The following NAV3 variants were observed in gnomAD, a reference collection of about 807,000 sequenced individuals.
The protein encoded by NAV3 is pore membrane and/or filament interacting like protein 1.
Under a neutral mutation model 244.7 loss-of-function variants are expected in NAV3, and 87 were observed. That is an observed-to-expected ratio of 0.36 (90% CI 0.30 to 0.42). The LOEUF (loss-of-function observed/expected upper bound fraction) is 0.42, where lower values mean the gene tolerates loss of function less well. Ranked by LOEUF, NAV3 falls within the 20% of genes least tolerant of loss-of-function variation. The pLI is 1.00. For synonymous variants in NAV3, 1,126 were observed against 1,042.2 expected (o/e 1.08, Z -1.55); for missense variants, 2,663 against 2,893.3 (o/e 0.92, Z 1.83).
intron 12 of NAV3, among the ~76,000 whole-genome samples, chr12:78,100,035 A>AT (rs1490854423): frequency 6.6e-6 from 1 of 151,968 alleles, no homozygotes; most frequent in East Asian, 1.9e-4. Context: ...ATAAAAGCAA[A>AT]TAAAAAGGTC....
chr12:78,127,223 C>T lies in NAV3; in HGVS notation c.4280+15C>T, dbSNP rs1231837675. 1 of 1,610,708 alleles carries T rather than the reference C, an allele frequency of 6.2e-7. No individual in the cohort carries two copies. The highest frequency in any genetic ancestry group is 8.5e-7 in the Non-Finnish European group (1 of 1,177,662). On this transcript the variant is annotated intron_variant, in intron 17 of 39. Transcript: ENST00000397909. ...AAGGGACTAAGGTATATATTCCTCT[C>T]AGCACAATTGCTACCTCTCTGTTGT...
At chr12:78,052,946 C>T (rs1021664606) in intron 11 of NAV3, among the ~76,000 whole-genome samples, 10 of 151,918 alleles carry the variant, frequency 6.6e-5, no homozygotes, top group East Asian at 3.9e-4. Context: ...AGGCTGGGCA[C>T]GGTGGCTCAT....
chr12:77,932,716 C>T (rs1593038302), intron 1 of NAV3, among the ~76,000 whole-genome samples: 1 of 152,264 alleles, frequency 6.6e-6, no homozygotes, highest in East Asian at 1.9e-4. Flanking sequence ...CTGTCATTTT[C>T]ATGTTCCCTA....
chr12:78,002,896 C>T (rs1189780773), intron 7 of NAV3, among the ~76,000 whole-genome samples: 1 of 151,568 alleles, frequency 6.6e-6, no homozygotes, highest in Non-Finnish European at 1.5e-5. Context: ...TAGACTTGGC[C>T]ATATGTGTTG....
chr12:77,869,822 A>C lies in NAV3; in HGVS notation c.243+38118A>C, dbSNP rs144553330. ...TAGACAATATGCTTTATGCAGAGAA[A>C]ACCTGGTTTGACCCACTAGTGTATT... On this transcript the variant is annotated intron_variant, in intron 1 of 39. Coordinates refer to ENST00000397909, the MANE Select transcript of NAV3 (RefSeq NM_001024383.2). Among the ~76,000 whole-genome samples the C allele has an allele frequency of 2.0e-5, 3 of 152,322 alleles. No individual in the cohort carries two copies. In the East Asian group the frequency reaches 5.8e-4, roughly 29 times the overall value.
intron 9 of NAV3, among the ~76,000 whole-genome samples, chr12:78,035,098 C>A (rs1178359919): frequency 6.6e-6 from 1 of 152,080 alleles, no homozygotes; most frequent in African/African-American, 2.4e-5. Flanking sequence ...GAATAATTAA[C>A]TTTACAAAGT....
At chr12:77,844,143 G>A (rs1438884587) in intron 1 of NAV3, among the ~76,000 whole-genome samples, 2 of 152,118 alleles carry the variant, frequency 1.3e-5, no homozygotes, top group African/African-American at 2.4e-5. Context: ...ATTTCTTACA[G>A]TTCTGGAGCC....
chr12:78,082,898 T>C (rs1373123374), intron 12 of NAV3, among the ~76,000 whole-genome samples: 1 of 152,180 alleles, frequency 6.6e-6, no homozygotes, highest in Non-Finnish European at 1.5e-5. Context: ...GTAGTCCTTG[T>C]ACACATTCTT....
In NAV3 at chr12:78,018,088, A is replaced by G. The variant is rs764489575; in HGVS notation, c.1908-3659A>G. Among the ~76,000 whole-genome samples the G allele has an allele frequency of 3.3e-5, 5 of 152,208 alleles. No individual in the cohort carries two copies. The East Asian group carries it at 7.7e-4, about 24-fold the overall frequency. Reference sequence around the variant, plus strand: ...CCATGTTCCTTTCTTTCATCGATCAATCTATTTCCTTATTAATGCTAAGTT... The same window carrying G: ...CCATGTTCCTTTCTTTCATCGATCAGTCTATTTCCTTATTAATGCTAAGTT... On this transcript the variant is annotated intron_variant, in intron 8 of 39. Coordinates refer to ENST00000397909, the MANE Select transcript of NAV3 (RefSeq NM_001024383.2).
chr12:78,202,471 G>A (rs1431565946), intron 38 of NAV3, among the ~76,000 whole-genome samples: 1 of 151,686 alleles, frequency 6.6e-6, no homozygotes, highest in African/African-American at 2.4e-5. Flanking sequence ...AAGGTACATG[G>A]GTTCTTTTTT....
intron 2 of NAV3, among the ~76,000 whole-genome samples, chr12:77,767,211 G>T (rs1184737518): frequency 1.3e-5 from 2 of 152,178 alleles, no homozygotes; most frequent in Non-Finnish European, 2.9e-5. Context: ...TTTCATAATG[G>T]ACAGACTTAG....
At chr12:77,587,071 A>AAGTATAT (rs1208341486) in intron 2 of NAV3, among the ~76,000 whole-genome samples, 3 of 152,190 alleles carry the variant, frequency 2.0e-5, no homozygotes, top group Non-Finnish European at 4.4e-5. Flanking sequence ...GAAGCTCCCA[A>AAGTATAT]ACTTAAGAAG....
At chr12:77,630,893 A>G (rs76701348) in intron 2 of NAV3, among the ~76,000 whole-genome samples, 301 of 152,348 alleles carry the variant, frequency 2.0e-3, no homozygotes, top group African/African-American at 7.0e-3. Context: ...TAAAAACTAT[A>G]GAGTACAAGA....
At chr12:77,695,121 A>C (rs184333011) in intron 2 of NAV3, among the ~76,000 whole-genome samples, 1 of 152,084 alleles carries the variant, frequency 6.6e-6, no homozygotes, top group Non-Finnish European at 1.5e-5. Flanking sequence ...CACTTTTTTG[A>C]TTATATCCTT....
At chr12:78,084,091 C>G (rs1395201909) in intron 12 of NAV3, among the ~76,000 whole-genome samples, 1 of 152,180 alleles carries the variant, frequency 6.6e-6, no homozygotes, top group Non-Finnish European at 1.5e-5. Context: ...GACTAGTAAT[C>G]TCAAGTGGAC....
In NAV3 at chr12:78,006,583, A is replaced by T. The variant is rs372011261; in HGVS notation, c.1045A>T (p.Thr349Ser). 2.5e-6 allele frequency: 4 copies of T among 1,614,032 alleles called. No homozygotes were observed. Among genetic ancestry groups the T allele is most frequent in the Non-Finnish European group, 3.4e-6 (4 of 1,180,002 alleles). ...VKHSATSTML[T>S]VKQSSTATSP... ...ACACAGTGCCACCTCCACCATGTTG[A>T]CTGTAAAGCAGTCAAGTACAGCCAC... The change falls in exon 8 of 40, where the codon ACT (threonine) becomes TCT (serine). Residue 349 changes from threonine (T) to serine (S), a missense_variant. Transcript: ENST00000397909.
At chr12:78,192,487 C>G (rs1227083791) in intron 34 of NAV3, among the ~76,000 whole-genome samples, 2 of 151,518 alleles carry the variant, frequency 1.3e-5, no homozygotes, top group African/African-American at 4.8e-5. Context: ...CTCACTGCAA[C>G]CTCTGCCTCC....
intron 2 of NAV3, among the ~76,000 whole-genome samples, chr12:77,805,894 G>T (rs1021662195): frequency 1.3e-5 from 2 of 152,194 alleles, no homozygotes; most frequent in Non-Finnish European, 2.9e-5. Flanking sequence ...TTTAGTCTTG[G>T]CAGGGTGTAT....
At chr12:78,026,627 T>A (rs1377338103) in intron 9 of NAV3, among the ~76,000 whole-genome samples, 1 of 152,148 alleles carries the variant, frequency 6.6e-6, no homozygotes, top group African/African-American at 2.4e-5. Context: ...ATTCAGAAAC[T>A]GAAAAAATTT....
Sources: gnomAD v4.1 joint callset for allele counts (sites outside exome capture counted in the v4.1 genomes callset) on GRCh38, gnomAD v4.1.1 for gene constraint, MANE v1.5 for transcripts, NCBI Gene and HGNC (gene_info 2026-07-23, HGNC 2026-07-21) for gene names.